Variants in PIP4K2A observed in about 807,000 individuals in gnomAD.
PIP4K2A encodes the protein phosphatidylinositol 5-phosphate 4-kinase type-2 alpha.
PIP4K2A carries 14 observed loss-of-function variants against 42.9 expected under a neutral mutation model. The observed-to-expected ratio is 0.33, with a 90% CI of 0.22 to 0.51. PIP4K2A has a LOEUF of 0.51. PIP4K2A is among the 20% of genes least tolerant of loss of function. The pLI, the probability that PIP4K2A is intolerant of heterozygous loss-of-function variation, is 0.97. For missense variants in PIP4K2A, 434 were observed against 519.8 expected (o/e 0.83, Z 1.61); for synonymous variants, 192 against 192.2 (o/e 1.00, Z 0.01).
intron 1 of PIP4K2A, among the ~76,000 whole-genome samples, chr10:22,652,976 C>A (rs926165302): frequency 6.6e-6 from 1 of 152,156 alleles, no homozygotes; most frequent in African/African-American, 2.4e-5. Flanking sequence ...CACCTTCAGT[C>A]TGAGCTGCTC....
At chr10:22,654,802 A>C (rs1839065853) in intron 1 of PIP4K2A, among the ~76,000 whole-genome samples, 1 of 152,224 alleles carries the variant, frequency 6.6e-6, no homozygotes, top group South Asian at 2.1e-4. Context: ...ATCTCAAGGC[A>C]GCAAATGAGA....
At chr10:22,539,298 A>T (rs1836022784) in intron 9 of PIP4K2A, among the ~76,000 whole-genome samples, 1 of 152,198 alleles carries the variant, frequency 6.6e-6, no homozygotes, top group Non-Finnish European at 1.5e-5. Context: ...AACTGACAAA[A>T]GCAGGTACAC....
chr10:22,567,893 A>G lies in PIP4K2A; in HGVS notation c.640-4T>C. ...CTTCTCTAGCCACTGTAGAGCCCTG[A>G]AACACAAGGCAATAATAAAAACATG... On this transcript the variant is annotated splice_region_variant and splice_polypyrimidine_tract_variant and intron_variant, in intron 5 of 9. Transcript: ENST00000376573. 6.2e-7 allele frequency: 1 copy of G among 1,613,550 alleles called. No homozygotes were observed. Among genetic ancestry groups the G allele is most frequent in the Non-Finnish European group, 8.5e-7 (1 of 1,179,406 alleles).
intron 7 of PIP4K2A, among the ~76,000 whole-genome samples, chr10:22,542,259 G>T (rs1836140404): frequency 6.6e-6 from 1 of 152,164 alleles, no homozygotes. Flanking sequence ...AGCTCAGGCT[G>T]TTTACCCTGG....
chr10:22,605,676 C>T (rs1837891056), intron 3 of PIP4K2A, among the ~76,000 whole-genome samples: 1 of 151,972 alleles, frequency 6.6e-6, no homozygotes, highest in Admixed American at 6.6e-5. Context: ...TGCATGGGCC[C>T]TCAAAAGTCA....
At chr10:22,540,173 AG>A in intron 8 of PIP4K2A, 99 bp from the exon 9 acceptor site, 1 of 760,636 alleles carries the variant, frequency 1.3e-6, no homozygotes, top group South Asian at 1.4e-5. Context: ...GCCTGGAGGG[AG>A]GGGATTCAAT....
intron 3 of PIP4K2A, among the ~76,000 whole-genome samples, chr10:22,594,508 G>A (rs1345162310): frequency 1.3e-5 from 2 of 152,198 alleles, no homozygotes; most frequent in African/African-American, 4.8e-5. Context: ...TGATTCTCGT[G>A]CCTCTGCCTC....
chr10:22,563,579 G>T (rs2130782063), intron 6 of PIP4K2A, among the ~76,000 whole-genome samples: 1 of 152,246 alleles, frequency 6.6e-6, no homozygotes, highest in East Asian at 1.9e-4. Context: ...TTTTCACAAT[G>T]GGATTAACAT....
chr10:22,663,363 T>C (rs925799774), intron 1 of PIP4K2A, among the ~76,000 whole-genome samples: 1 of 152,222 alleles, frequency 6.6e-6, no homozygotes, highest in South Asian at 2.1e-4. Flanking sequence ...TTGATTCTCC[T>C]CTTCCTCTAA....
intron 7 of PIP4K2A, among the ~76,000 whole-genome samples, chr10:22,546,456 G>A (rs1350235533): frequency 1.3e-5 from 2 of 152,134 alleles, no homozygotes; most frequent in Non-Finnish European, 2.9e-5. Context: ...CTGTCACCCA[G>A]GCTGGAGTGC....
intron 3 of PIP4K2A, among the ~76,000 whole-genome samples, chr10:22,605,652 CAAGAT>C (rs1211695365): frequency 1.3e-5 from 2 of 151,962 alleles, no homozygotes; most frequent in South Asian, 2.1e-4. Context: ...AGGAATCTAA[CAAGAT>C]AAGATAGATG....
At chr10:22,578,704 A>G (rs1021630538) in intron 4 of PIP4K2A, among the ~76,000 whole-genome samples, 1 of 151,884 alleles carries the variant, frequency 6.6e-6, no homozygotes, top group African/African-American at 2.4e-5. Flanking sequence ...TCAGTCCACA[A>G]CCCTTTCTTT....
intron 1 of PIP4K2A, among the ~76,000 whole-genome samples, chr10:22,671,087 A>C (rs1348858731): frequency 6.6e-6 from 1 of 152,182 alleles, no homozygotes; most frequent in Non-Finnish European, 1.5e-5. Flanking sequence ...TTCTTAGTGA[A>C]AAGCCAGGGA....
At chr10:22,539,893 GA>G (rs1836050252) in intron 9 of PIP4K2A, 77 bp downstream of exon 9, 5 of 629,626 alleles carry the variant, frequency 7.9e-6, no homozygotes, top group East Asian at 2.9e-5. Flanking sequence ...CCAGGAGAGA[GA>G]GAGAGAGAGA....
At chr10:22,695,662 AG>A (rs1839955315) in intron 1 of PIP4K2A, among the ~76,000 whole-genome samples, 4 of 152,278 alleles carry the variant, frequency 2.6e-5, no homozygotes, top group African/African-American at 9.6e-5. Context: ...AGGACTCCCC[AG>A]GATACCACAC....
At chr10:22,658,014 C>T (rs964410562) in intron 1 of PIP4K2A, among the ~76,000 whole-genome samples, 3 of 151,890 alleles carry the variant, frequency 2.0e-5, no homozygotes, top group African/African-American at 4.8e-5. Context: ...AAATATGTGG[C>T]GCCAGAAGTA....
chr10:22,649,725 A>G (rs1414344354), intron 1 of PIP4K2A, among the ~76,000 whole-genome samples: 3 of 152,192 alleles, frequency 2.0e-5, no homozygotes, highest in Admixed American at 6.5e-5. Context: ...CAGCTACATA[A>G]TGGGACAGAT....
chr10:22,620,351 T>C (rs1427657465), intron 1 of PIP4K2A, among the ~76,000 whole-genome samples: 3 of 152,164 alleles, frequency 2.0e-5, no homozygotes, highest in East Asian at 3.9e-4. Context: ...AACAAAGACA[T>C]TGCCAATGAA....
At chr10:22,589,933 A>G (rs1332064345) in intron 4 of PIP4K2A, among the ~76,000 whole-genome samples, 2 of 152,184 alleles carry the variant, frequency 1.3e-5, no homozygotes, top group Non-Finnish European at 2.9e-5. Flanking sequence ...GTCCCCCAAA[A>G]TGCTTACGTT....
Sources: gnomAD v4.1 joint callset for allele counts (sites outside exome capture counted in the v4.1 genomes callset) on GRCh38, gnomAD v4.1.1 for gene constraint, MANE v1.5 for transcripts, NCBI Gene and HGNC (gene_info 2026-07-23, HGNC 2026-07-21) for gene names.